The following LRP1B variants were observed in gnomAD, a reference collection of about 807,000 sequenced individuals.
LRP1B encodes the protein LDL receptor related protein 1B.
Under a neutral mutation model 556.6 loss-of-function variants are expected in LRP1B, and 217 were observed. The observed-to-expected ratio is 0.39, with a 90% CI of 0.35 to 0.44. LRP1B has a LOEUF of 0.44. Ranked by LOEUF, LRP1B falls within the 20% of genes least tolerant of loss-of-function variation. LRP1B has a pLI of 1.00. For missense variants in LRP1B, 5,053 were observed against 5,620.8 expected, an observed-to-expected ratio of 0.90 and a Z score of 3.23; for synonymous variants, 2,047 against 1,865.8, an observed-to-expected ratio of 1.10 and a Z score of -2.50.
Position 140,234,766 on chromosome 2 carries a change from A to G in LRP1B, c.13659+20T>C, listed in dbSNP as rs1680620579. ...TTCTGTGATGAAACGGACATGAAAT[A>G]ACGAATATTCTTCTCTCACCCCAGC... On this transcript the variant is annotated intron_variant, in intron 90 of 90. Coordinates refer to ENST00000389484, the MANE Select transcript of LRP1B (RefSeq NM_018557.3). 1 of 771,398 alleles carries G rather than the reference A, an allele frequency of 1.3e-6. No individual in the cohort carries two copies. Among genetic ancestry groups the G allele is most frequent in the Non-Finnish European group, 2.4e-6 (1 of 413,084 alleles). 47.8% of individuals were successfully genotyped at this position (771,398 alleles called of 1,614,324 possible).
chr2:141,810,340 C>A lies in LRP1B; in HGVS notation c.144G>T (p.Gln48His), dbSNP rs762171934. The change falls in exon 2 of 91, where the codon CAG (glutamine) becomes CAT (histidine). Residue 48 changes from glutamine (Q) to histidine (H), a missense_variant. By Grantham distance (24) the Gln-to-His change is conservative. Coordinates refer to ENST00000389484, the MANE Select transcript of LRP1B (RefSeq NM_018557.3). ...CAGGGTCCCCATCACACAGCCAGCTCTGGGAGACACAAGTCACGTGATCGT... is the reference window on the plus strand; with the variant it reads ...CAGGGTCCCCATCACACAGCCAGCTATGGGAGACACAAGTCACGTGATCGT... ...LCHDHVTCVS[Q>H]SWLCDGDPDC... 6.2e-7 allele frequency: 1 copy of A among 1,613,172 alleles called. No homozygotes were observed.
intron 1 of LRP1B, among the ~76,000 whole-genome samples, chr2:141,923,499 G>T (rs559397109): frequency 7.0e-6 from 1 of 142,628 alleles, no homozygotes; most frequent in African/African-American, 2.6e-5. Context: ...GAGAGAGGGA[G>T]GGAGGGGGAG....
At chr2:140,795,976 C>T (rs1054467024) in intron 32 of LRP1B, among the ~76,000 whole-genome samples, 3 of 152,008 alleles carry the variant, frequency 2.0e-5, no homozygotes, top group African/African-American at 7.2e-5. Context: ...TTATTTTCCA[C>T]TCTAAACACT....
chr2:141,680,505 T>C (rs1691063713), intron 2 of LRP1B, among the ~76,000 whole-genome samples: 1 of 152,054 alleles, frequency 6.6e-6, no homozygotes, highest in Non-Finnish European at 1.5e-5. Context: ...AAATGTAAAA[T>C]TACAGTCATT....
intron 3 of LRP1B, among the ~76,000 whole-genome samples, chr2:141,336,375 C>T (rs1687850801): frequency 1.3e-5 from 2 of 152,102 alleles, no homozygotes; most frequent in African/African-American, 4.8e-5. Context: ...TGAATTATTT[C>T]CCCACAAAAT....
At chr2:141,993,190 T>A (rs1481292830) in intron 1 of LRP1B, among the ~76,000 whole-genome samples, 1 of 152,046 alleles carries the variant, frequency 6.6e-6, no homozygotes, top group African/African-American at 2.4e-5. Flanking sequence ...AAAGGATCAG[T>A]TACCCAAAGA....
chr2:141,573,968 A>G (rs1686634122), intron 2 of LRP1B, among the ~76,000 whole-genome samples: 1 of 152,240 alleles, frequency 6.6e-6, no homozygotes, highest in South Asian at 2.1e-4. Flanking sequence ...GCTACCAACA[A>G]AAAAAACCCA....
chr2:141,664,705 A>G (rs1690355584), intron 2 of LRP1B, among the ~76,000 whole-genome samples: 1 of 151,010 alleles, frequency 6.6e-6, no homozygotes, highest in South Asian at 2.1e-4. Context: ...GAAATCAGAT[A>G]GGAAAAAAAA....
At chr2:140,976,814 A>T (rs1319770867) in intron 18 of LRP1B, among the ~76,000 whole-genome samples, 1 of 151,964 alleles carries the variant, frequency 6.6e-6, no homozygotes, top group East Asian at 1.9e-4. Flanking sequence ...CCCAGCCTGA[A>T]CTACCTTTCA....
intron 2 of LRP1B, among the ~76,000 whole-genome samples, chr2:141,599,572 T>C (rs1687656794): frequency 6.6e-6 from 1 of 152,138 alleles, no homozygotes; most frequent in Admixed American, 6.6e-5. Context: ...CATGGATCGA[T>C]TGAAGTTTTT....
At chr2:141,775,101 T>C (rs1695020222) in intron 2 of LRP1B, among the ~76,000 whole-genome samples, 1 of 152,234 alleles carries the variant, frequency 6.6e-6, no homozygotes, top group African/African-American at 2.4e-5. Flanking sequence ...GTAGGAGTCC[T>C]TCCCCATCAC....
At chr2:141,293,414 C>T (rs1205211555) in intron 3 of LRP1B, among the ~76,000 whole-genome samples, 1 of 152,196 alleles carries the variant, frequency 6.6e-6, no homozygotes, top group African/African-American at 2.4e-5. Context: ...ATGCTATGAA[C>T]ATCCATGAAA....
intron 79 of LRP1B, 101 bp downstream of exon 79, chr2:140,334,352 C>T (rs1680965091): frequency 2.7e-6 from 2 of 736,398 alleles, no homozygotes; most frequent in Non-Finnish European, 4.7e-6. Context: ...GTTTTATCCA[C>T]TTGTAAAAAT....
chr2:140,316,234 T>C (rs1360206271), intron 82 of LRP1B, among the ~76,000 whole-genome samples: 1 of 152,172 alleles, frequency 6.6e-6, no homozygotes, highest in Non-Finnish European at 1.5e-5. Context: ...ATATGCCCTT[T>C]ACTATAGTAA....
intron 1 of LRP1B, among the ~76,000 whole-genome samples, chr2:141,845,118 C>T (rs1004583636): frequency 3.6e-5 from 5 of 139,610 alleles, no homozygotes; most frequent in African/African-American, 1.3e-4. Context: ...TTATGGTCTT[C>T]ATTTTCAGGA....
chr2:141,370,666 A>AT (rs371213940), intron 3 of LRP1B, among the ~76,000 whole-genome samples: 9 of 151,728 alleles, frequency 5.9e-5, no homozygotes, highest in East Asian at 3.9e-4. Flanking sequence ...CCATTTGTCT[A>AT]TTTTTTGTTT....
At chr2:141,275,118 C>G (rs1355598604) in intron 3 of LRP1B, among the ~76,000 whole-genome samples, 1 of 152,134 alleles carries the variant, frequency 6.6e-6, no homozygotes, top group Non-Finnish European at 1.5e-5. Flanking sequence ...CCTGATAACA[C>G]CCATGCAACC....
At chr2:141,832,627 T>C (rs1029730788) in intron 1 of LRP1B, among the ~76,000 whole-genome samples, 2 of 151,754 alleles carry the variant, frequency 1.3e-5, no homozygotes, top group African/African-American at 4.8e-5. Flanking sequence ...AGAGGCATTC[T>C]AATGCTGTGG....
At chr2:141,427,394 A>G (rs1680410001) in intron 3 of LRP1B, among the ~76,000 whole-genome samples, 1 of 152,230 alleles carries the variant, frequency 6.6e-6, no homozygotes, top group African/African-American at 2.4e-5. Flanking sequence ...AAAATGGCCA[A>G]TATGGCTTGA....
Sources: allele counts gnomAD v4.1 joint callset (sites outside exome capture counted in the v4.1 genomes callset), GRCh38; gene constraint gnomAD v4.1.1; transcripts MANE v1.5; gene names NCBI Gene and HGNC (gene_info 2026-07-23, HGNC 2026-07-21).